The following ANKS1B variants were observed in gnomAD, a reference collection of about 807,000 sequenced individuals.
The protein encoded by ANKS1B is ankyrin repeat and sterile alpha motif domain containing 1B.
A neutral mutation model predicts 148.3 loss-of-function variants in ANKS1B; 36 were observed. The observed-to-expected ratio is 0.24, with a 90% confidence interval of 0.19 to 0.32. The LOEUF (loss-of-function observed/expected upper bound fraction) is 0.32, where lower values mean the gene tolerates loss of function less well. Ranked by LOEUF, ANKS1B falls within the 10% of genes least tolerant of loss-of-function variation. ANKS1B has a pLI of 1.00. For synonymous variants in ANKS1B, 542 were observed against 560.8 expected (o/e 0.97, Z 0.47); for missense variants, 1,157 against 1,542.6 (o/e 0.75, Z 4.19).
At chr12:98,830,664 CAGAAA>C (rs1288349328) in intron 18 of ANKS1B, among the ~76,000 whole-genome samples, 2 of 152,166 alleles carry the variant, frequency 1.3e-5, no homozygotes, top group African/African-American at 4.8e-5. Context: ...TTCATCTCTT[CAGAAA>C]AGAAATCAGA....
At chr12:99,153,257 C>T (rs1322570714) in intron 15 of ANKS1B, among the ~76,000 whole-genome samples, 1 of 152,120 alleles carries the variant, frequency 6.6e-6, no homozygotes, top group Non-Finnish European at 1.5e-5. Context: ...ATCTAATCAG[C>T]TGTCACTATT....
In ANKS1B at chr12:99,378,668, A is replaced by AAAAAAG. The variant is rs1555408273; in HGVS notation, c.1756+20957_1756+20962dup. Among the ~76,000 whole-genome samples the AAAAAAG allele has an allele frequency of 2.8e-3, 413 of 146,076 alleles. 2 individuals are homozygous for AAAAAAG. The highest frequency in any genetic ancestry group is 4.3e-3 in the African/African-American group (169 of 38,878). On this transcript the variant is annotated intron_variant, in intron 12 of 26. Coordinates refer to ENST00000683438, the MANE Select transcript of ANKS1B (RefSeq NM_001352186.2). ...ACTCCATCTCAAAAAAAAAAAAAAA[A>AAAAAAG]AAAAAGAAAAAGAAAAGAAAAAGAG...
At chr12:99,425,932 T>C (rs937505532) in intron 11 of ANKS1B, among the ~76,000 whole-genome samples, 1 of 152,172 alleles carries the variant, frequency 6.6e-6, no homozygotes, top group Non-Finnish European at 1.5e-5. Context: ...CTATTTATCT[T>C]TTCCTTTGGT....
At chr12:99,269,837 G>C (rs2076847906) in intron 12 of ANKS1B, among the ~76,000 whole-genome samples, 1 of 152,148 alleles carries the variant, frequency 6.6e-6, no homozygotes, top group Non-Finnish European at 1.5e-5. Flanking sequence ...GGGATTACAG[G>C]CGTGAGCCAC....
At chr12:99,707,555 A>G (rs975045412) in intron 8 of ANKS1B, among the ~76,000 whole-genome samples, 3 of 152,088 alleles carry the variant, frequency 2.0e-5, no homozygotes, top group Non-Finnish European at 2.9e-5. Context: ...ATTACAACAC[A>G]TTAAATATTT....
intron 17 of ANKS1B, among the ~76,000 whole-genome samples, chr12:98,992,579 G>GT (rs1168891073): frequency 6.6e-6 from 1 of 152,178 alleles, no homozygotes; most frequent in Admixed American, 6.5e-5. Flanking sequence ...TGCTATGATT[G>GT]TAAGTTTCCT....
At chr12:98,871,512 T>C (rs2099668875) in intron 17 of ANKS1B, among the ~76,000 whole-genome samples, 1 of 152,210 alleles carries the variant, frequency 6.6e-6, no homozygotes, top group Admixed American at 6.5e-5. Flanking sequence ...GTGGTTCAGC[T>C]GAAAATTAGA....
chr12:99,263,696 A>T (rs1485390360), intron 12 of ANKS1B, among the ~76,000 whole-genome samples: 1 of 152,088 alleles, frequency 6.6e-6, no homozygotes, highest in East Asian at 1.9e-4. Context: ...GTGAGTTCTC[A>T]TGAGATATGA....
At chr12:99,883,600 A>G (rs997607620) in intron 1 of ANKS1B, among the ~76,000 whole-genome samples, 3 of 139,640 alleles carry the variant, frequency 2.1e-5, no homozygotes, top group Admixed American at 7.1e-5. Flanking sequence ...TGAAAAGACA[A>G]GGCATAGACT....
Position 99,328,294 on chromosome 12 carries a change from CAG to C in ANKS1B, c.1756+71335_1756+71336del, listed in dbSNP as rs2086865562. Among the ~76,000 whole-genome samples, 3 of 151,980 alleles carry C rather than the reference CAG, an allele frequency of 2.0e-5. No homozygotes were observed. In the East Asian group the frequency reaches 5.8e-4, roughly 29 times the overall value. On this transcript the variant is annotated intron_variant, in intron 12 of 26. Coordinates refer to ENST00000683438, the MANE Select transcript of ANKS1B (RefSeq NM_001352186.2). Reference sequence around the variant, plus strand: ...GACAGTCTGAGAAGACAGAGGTAAACAGAGTTGTCCAGATAGTATCTAACGGG... The same window carrying C: ...GACAGTCTGAGAAGACAGAGGTAAACAGTTGTCCAGATAGTATCTAACGGG...
chr12:99,073,788 C>G lies in ANKS1B; in HGVS notation c.2625+11137G>C, dbSNP rs954940995. On this transcript the variant is annotated intron_variant, in intron 16 of 26. Transcript: ENST00000683438. ...CAATTGGTTCTTTCATTTCCTGTCC[C>G]TTTTCAGTTTCTTTCACAAACACAC... Among the ~76,000 whole-genome samples, 15 of 152,142 alleles carry G rather than the reference C, an allele frequency of 9.9e-5. 1 individual carries two copies. Among genetic ancestry groups the G allele is most frequent in the African/African-American group, 3.6e-4 (15 of 41,430 alleles).
chr12:99,242,102 T>C (rs2089456002), intron 14 of ANKS1B, among the ~76,000 whole-genome samples: 1 of 152,168 alleles, frequency 6.6e-6, no homozygotes, highest in South Asian at 2.1e-4. Context: ...GAAGTCAAAT[T>C]GTCTCTGTTT....
rs191018385 is a variant in ANKS1B, at chr12:99,600,416, G to A, written c.1272+54651C>T. Among the ~76,000 whole-genome samples the A allele has an allele frequency of 2.0e-4, 31 of 151,976 alleles. 1 individual carries two copies. Among genetic ancestry groups the A allele is most frequent in the South Asian group, 1.5e-3 (7 of 4,796 alleles). Reference sequence around the variant, plus strand: ...CACATAACTGCAGGACTTTTATGCCGCTGCGAAGGGAAGAAAGAGATTATC... The same window carrying A: ...CACATAACTGCAGGACTTTTATGCCACTGCGAAGGGAAGAAAGAGATTATC... On this transcript the variant is annotated intron_variant, in intron 9 of 26. Coordinates refer to ENST00000683438, the MANE Select transcript of ANKS1B (RefSeq NM_001352186.2).
intron 10 of ANKS1B, among the ~76,000 whole-genome samples, chr12:99,495,353 G>T (rs1251299935): frequency 6.7e-6 from 1 of 150,286 alleles, no homozygotes; most frequent in African/African-American, 2.5e-5. Context: ...GTGTGTGTGT[G>T]TGTGTGTGTG....
chr12:99,180,044 C>A (rs1375241576), intron 14 of ANKS1B, among the ~76,000 whole-genome samples: 1 of 152,056 alleles, frequency 6.6e-6, no homozygotes, highest in South Asian at 2.1e-4. Context: ...TGGCTTCTTG[C>A]TTCCCTGTTT....
chr12:99,880,954 G>A (rs1361585283), intron 1 of ANKS1B, among the ~76,000 whole-genome samples: 2 of 152,208 alleles, frequency 1.3e-5, no homozygotes, highest in East Asian at 3.8e-4. Context: ...TTCTGTGGGT[G>A]CTAGTTTTGG....
At chr12:99,041,661 A>G (rs1054790081) in intron 17 of ANKS1B, among the ~76,000 whole-genome samples, 2 of 152,086 alleles carry the variant, frequency 1.3e-5, no homozygotes, top group Non-Finnish European at 2.9e-5. Flanking sequence ...TACAAACAAT[A>G]ATAAGATCAT....
At chr12:99,263,266 CCT>C (rs1297415507) in intron 12 of ANKS1B, among the ~76,000 whole-genome samples, 1 of 151,946 alleles carries the variant, frequency 6.6e-6, no homozygotes, top group Non-Finnish European at 1.5e-5. Context: ...TCTCTGTTCC[CCT>C]GACTCCCCAC....
At chr12:99,595,661 C>G (rs1011983407) in intron 9 of ANKS1B, among the ~76,000 whole-genome samples, 3 of 151,834 alleles carry the variant, frequency 2.0e-5, no homozygotes, top group South Asian at 4.1e-4. Context: ...CGCACATTAA[C>G]TCATATTAAA....
Sources: gnomAD v4.1 joint callset for allele counts (sites outside exome capture counted in the v4.1 genomes callset) on GRCh38, gnomAD v4.1.1 for gene constraint, MANE v1.5 for transcripts, NCBI Gene and HGNC (gene_info 2026-07-23, HGNC 2026-07-21) for gene names.